WIPF1: variants seen among roughly 807,000 people sequenced by gnomAD.
The protein encoded by WIPF1 is WAS/WASL interacting protein family member 1.
In WIPF1, 13 loss-of-function variants were observed where a neutral mutation model predicts 35.4. The ratio of observed to expected loss-of-function variants is 0.37; its 90% CI spans 0.24 to 0.58. The LOEUF (loss-of-function observed/expected upper bound fraction) is 0.58. Among genes scored for constraint, WIPF1 ranks in the 20% least tolerant of loss-of-function variants. The pLI, the probability that WIPF1 is intolerant of heterozygous loss-of-function variation, is 0.74. For missense variants in WIPF1, 591 were observed against 667.0 expected, an observed-to-expected ratio of 0.89 and a Z score of 1.25; for synonymous variants, 267 against 266.3, an observed-to-expected ratio of 1.00 and a Z score of -0.02.
At chr2:174,576,230 C>CAAAAAAAAAAAAAAA (rs66562213) in intron 3 of WIPF1, among the ~76,000 whole-genome samples, 44 of 98,926 alleles carry the variant, frequency 4.4e-4, no homozygotes, top group African/African-American at 1.7e-3. Context: ...TGCACTCCAG[C>CAAAAAAAAAAAAAAA]AAAAAAAAAA....
chr2:174,663,570 G>A (rs1156800275), intron 1 of WIPF1, among the ~76,000 whole-genome samples: 1 of 145,858 alleles, frequency 6.9e-6, no homozygotes, highest in African/African-American at 2.5e-5. Context: ...AGTTCACTTT[G>A]TGTTTATCAG....
intron 7 of WIPF1, 123 bp from the exon 8 acceptor site, chr2:174,562,725 C>A: frequency 7.8e-7 from 1 of 1,285,670 alleles, no homozygotes; most frequent in Non-Finnish European, 1.1e-6. Context: ...TGTCAGCTAA[C>A]TGGCGTATGT....
chr2:174,663,462 T>G (rs1687820690), intron 1 of WIPF1, among the ~76,000 whole-genome samples: 3 of 152,126 alleles, frequency 2.0e-5, no homozygotes, highest in South Asian at 2.1e-4. Context: ...CCTCCACGCA[T>G]TCCCCTTCCC....
chr2:174,652,653 T>C (rs1687556680), intron 1 of WIPF1, among the ~76,000 whole-genome samples: 1 of 152,108 alleles, frequency 6.6e-6, no homozygotes, highest in Non-Finnish European at 1.5e-5. Flanking sequence ...GAGCTAACCA[T>C]TAGGCTTGAG....
intron 1 of WIPF1, chr2:174,655,802 A>C (rs762853297): frequency 3.9e-5 from 6 of 152,356 alleles, no homozygotes; most frequent in Non-Finnish European, 8.8e-5. Flanking sequence ...TGTGCTCCCC[A>C]CAGACTATAA....
intron 1 of WIPF1, among the ~76,000 whole-genome samples, chr2:174,681,398 T>C (rs541215457): frequency 6.6e-6 from 1 of 152,326 alleles, no homozygotes; most frequent in Non-Finnish European, 1.5e-5. Context: ...AAGGGATTAA[T>C]AGGCAGAGTG....
intron 1 of WIPF1, among the ~76,000 whole-genome samples, chr2:174,675,303 C>T (rs1361204058): frequency 1.3e-5 from 2 of 152,106 alleles, no homozygotes; most frequent in African/African-American, 4.8e-5. Context: ...ATAGCAAGTA[C>T]ATATGCTTTT....
In WIPF1 at chr2:174,571,652, AACTC is replaced by A; in HGVS notation, c.1129+20_1129+23del. On this transcript the variant is annotated intron_variant, in intron 5 of 7. Transcript: ENST00000679041. This position sits in a 1 kb window ranked among gnomAD's most constrained non-coding sequence, Gnocchi z 4.6. ...TTTGGGCAGGCTGGGTTTTGGAAGCAACTCACTCCACGTCTTGTCATACCTGATC... is the reference window on the plus strand; with the variant it reads ...TTTGGGCAGGCTGGGTTTTGGAAGCAACTCCACGTCTTGTCATACCTGATC... The A allele has an allele frequency of 6.2e-7, 1 of 1,614,036 alleles. No individual in the cohort carries two copies. The highest frequency in any genetic ancestry group is 8.5e-7 in the Non-Finnish European group (1 of 1,180,026).
intron 1 of WIPF1, among the ~76,000 whole-genome samples, chr2:174,595,136 ATAT>A (rs1217200282): frequency 5.1e-5 from 6 of 118,702 alleles, no homozygotes; most frequent in African/African-American, 1.9e-4. Context: ...ATATATATAT[ATAT>A]AATTAACTGG....
intron 1 of WIPF1, among the ~76,000 whole-genome samples, chr2:174,657,910 CAAAAAAAAAA>C (rs56717056): frequency 5.2e-5 from 5 of 96,024 alleles, no homozygotes; most frequent in East Asian, 3.5e-4. Flanking sequence ...AACTCTGTCT[CAAAAAAAAAA>C]AAAAAAAAAA....
At chr2:174,583,769 A>G (rs1381640748) in intron 2 of WIPF1, among the ~76,000 whole-genome samples, 5 of 152,288 alleles carry the variant, frequency 3.3e-5, no homozygotes, top group African/African-American at 1.2e-4. Context: ...CCTGCTATGT[A>G]AGCCAGATTG....
intron 1 of WIPF1, among the ~76,000 whole-genome samples, chr2:174,592,852 C>T (rs983991722): frequency 2.6e-5 from 4 of 151,986 alleles, no homozygotes; most frequent in South Asian, 2.1e-4. Context: ...GTGATCCACC[C>T]GCATCAGCCT....
intron 1 of WIPF1, among the ~76,000 whole-genome samples, chr2:174,682,478 G>A (rs935712406): frequency 6.6e-6 from 1 of 152,270 alleles, no homozygotes; most frequent in Admixed American, 6.5e-5. Context: ...GAGTCCAGCG[G>A]TGAGCTCAGC....
chr2:174,655,117 G>A (rs189390741), intron 1 of WIPF1, among the ~76,000 whole-genome samples: 1 of 152,168 alleles, frequency 6.6e-6, no homozygotes, highest in East Asian at 1.9e-4. Context: ...ACCATGACTG[G>A]CTGCCCAAGC....
At chr2:174,595,088 CAAAAAA>C (rs57521272) in intron 1 of WIPF1, among the ~76,000 whole-genome samples, 12 of 5,066 alleles carry the variant, frequency 2.4e-3, no homozygotes, top group Non-Finnish European at 4.1e-3. Context: ...CTCATCTCTA[CAAAAAA>C]AAAAAAAAAA....
At chr2:174,616,733 C>A (rs1686516871) in intron 1 of WIPF1, among the ~76,000 whole-genome samples, 1 of 152,170 alleles carries the variant, frequency 6.6e-6, no homozygotes. Flanking sequence ...AAAGCAGTTA[C>A]TTTTCTGAGA....
At chr2:174,565,049 C>A (rs965427190) in intron 7 of WIPF1, among the ~76,000 whole-genome samples, 13 of 152,186 alleles carry the variant, frequency 8.5e-5, no homozygotes, top group South Asian at 6.2e-4. Context: ...GCATGCGCCC[C>A]TATGCCCGGC....
Position 174,560,158 on chromosome 2 carries a change from T to C in WIPF1, c.*2389A>G, listed in dbSNP as rs755902454. 2 of 152,638 alleles carry C rather than the reference T, an allele frequency of 1.3e-5. No individual in the cohort carries two copies. Among genetic ancestry groups the C allele is most frequent in the Non-Finnish European group, 2.9e-5 (2 of 68,024 alleles). 9.5% of individuals were successfully genotyped at this position (152,638 alleles called of 1,614,324 possible). A position where few individuals can be genotyped will look rare whatever the true frequency, so the allele number is the denominator to read the frequency against. On this transcript the variant is annotated 3_prime_UTR_variant, in exon 8 of 8. Coordinates refer to ENST00000679041, the MANE Select transcript of WIPF1 (RefSeq NM_001375834.1). Reference sequence around the variant, plus strand: ...AAAAATTCATTTTTGTAATTTTCCATAGTTTAAGATTTTACCACAGAACTT... The same window carrying C: ...AAAAATTCATTTTTGTAATTTTCCACAGTTTAAGATTTTACCACAGAACTT...
rs1685008972 is a variant in WIPF1 at position 174,575,259 on chromosome 2, T to C, written c.303A>G (p.Gly101=). 6.2e-7 allele frequency: 1 copy of C among 1,613,926 alleles called. No individual in the cohort carries two copies. Among genetic ancestry groups the C allele is most frequent in the South Asian group, 1.1e-5 (1 of 91,046 alleles). ...SFGGGGPPGL[G]GLFQAGMPKL... ...TCGGCATTCCAGCCTGGAACAATCC[T>C]CCCAGACCTGGAGGTCCGCCCCCTC... The change falls in exon 4 of 8, where the codon GGA becomes GGG. Residue 101 remains glycine (G), a synonymous_variant. Coordinates refer to ENST00000679041, the MANE Select transcript of WIPF1 (RefSeq NM_001375834.1).
Sources: allele counts gnomAD v4.1 joint callset (sites outside exome capture counted in the v4.1 genomes callset), GRCh38; gene constraint gnomAD v4.1.1; non-coding constraint Gnocchi (gnomAD v3.1); transcripts MANE v1.5; gene names NCBI Gene and HGNC (gene_info 2026-07-23, HGNC 2026-07-21).